The following NRG1 variants were observed in gnomAD, a reference collection of about 807,000 sequenced individuals.
NRG1 encodes neuregulin 1.
Under a neutral mutation model 63.8 loss-of-function variants are expected in NRG1, and 18 were observed. The observed-to-expected ratio is 0.28, with a 90% CI of 0.19 to 0.42. The LOEUF is 0.42. Among genes scored for constraint, NRG1 ranks in the 10% least tolerant of loss-of-function variants. The pLI is 1.00. For synonymous variants in NRG1, 302 were observed against 301.3 expected, an observed-to-expected ratio of 1.00 and a Z score of -0.02; for missense variants, 762 against 814.7, an observed-to-expected ratio of 0.94 and a Z score of 0.79.
chr8:32,188,422 A>G (rs1247654573), intron 1 of NRG1, among the ~76,000 whole-genome samples: 1 of 152,198 alleles, frequency 6.6e-6, no homozygotes, highest in Non-Finnish European at 1.5e-5. Context: ...GCAAATAATG[A>G]CAAGACATGC....
chr8:32,656,558 A>G (rs1033379540), intron 5 of NRG1, among the ~76,000 whole-genome samples: 1 of 152,208 alleles, frequency 6.6e-6, no homozygotes, highest in African/African-American at 2.4e-5. Flanking sequence ...TGCCATTTAC[A>G]AAAATGTATA....
At chr8:32,185,247 G>A (rs967145401) in intron 1 of NRG1, among the ~76,000 whole-genome samples, 4 of 152,108 alleles carry the variant, frequency 2.6e-5, no homozygotes, top group Non-Finnish European at 4.4e-5. Flanking sequence ...TAGCAGTAAA[G>A]GCAATTATTT....
At chr8:32,715,503 A>G (rs960016025) in intron 5 of NRG1, among the ~76,000 whole-genome samples, 6 of 152,178 alleles carry the variant, frequency 3.9e-5, no homozygotes, top group African/African-American at 1.2e-4. Flanking sequence ...AGACAATGCC[A>G]TCCCTGTGAT....
At chr8:31,921,104 A>G (rs981325309) in intron 1 of NRG1, among the ~76,000 whole-genome samples, 1 of 152,238 alleles carries the variant, frequency 6.6e-6, no homozygotes, top group Non-Finnish European at 1.5e-5. Context: ...ACAAAATTAC[A>G]ATATGCAATA....
chr8:31,928,531 A>G (rs997228090), intron 1 of NRG1, among the ~76,000 whole-genome samples: 3 of 152,026 alleles, frequency 2.0e-5, no homozygotes, highest in African/African-American at 4.8e-5. Context: ...TGCTTTATCA[A>G]AAAGACACCT....
intron 1 of NRG1, among the ~76,000 whole-genome samples, chr8:31,665,064 G>A (rs1806387355): frequency 6.6e-6 from 1 of 152,168 alleles, no homozygotes; most frequent in African/African-American, 2.4e-5. Flanking sequence ...GAGGCTGGAG[G>A]TGGACCTTCA....
intron 3 of NRG1, among the ~76,000 whole-genome samples, chr8:32,612,743 G>C (rs1846584740): frequency 6.6e-6 from 1 of 152,000 alleles, no homozygotes; most frequent in Admixed American, 6.6e-5. Context: ...TTTGAAAAGA[G>C]TCTTGATATC....
At chr8:31,919,400 TC>T (rs1414187625) in intron 1 of NRG1, among the ~76,000 whole-genome samples, 3 of 151,812 alleles carry the variant, frequency 2.0e-5, no homozygotes, top group African/African-American at 7.2e-5. Flanking sequence ...TTTTTTTTTT[TC>T]ATTTGTTCTT....
rs560861310 is a variant in NRG1, at chr8:31,954,115, C to T, written c.37+314684C>T. On this transcript the variant is annotated intron_variant, in intron 1 of 10. Coordinates refer to the NRG1 transcript ENST00000519301. Reference sequence around the variant, plus strand: ...GCCATAAAATTTGTTTGACAGACATCCTTCTTTTTCCCATCCCTCCTCTAT... The same window carrying T: ...GCCATAAAATTTGTTTGACAGACATTCTTCTTTTTCCCATCCCTCCTCTAT... 3.3e-5 allele frequency among the ~76,000 whole-genome samples: 5 copies of T among 152,280 alleles called. No homozygotes were observed. The South Asian group carries it at 1.0e-3, about 32-fold the overall frequency.
intron 1 of NRG1, among the ~76,000 whole-genome samples, chr8:31,758,257 T>A (rs1817181284): frequency 6.6e-6 from 1 of 152,128 alleles, no homozygotes; most frequent in Non-Finnish European, 1.5e-5. Context: ...CCCCGCTCTG[T>A]GTCCATGTGT....
At chr8:32,712,754 G>A (rs1446530064) in intron 5 of NRG1, among the ~76,000 whole-genome samples, 2 of 151,976 alleles carry the variant, frequency 1.3e-5, no homozygotes, top group South Asian at 2.1e-4. Context: ...TTGGTGCCAC[G>A]CCTGATATTT....
intron 1 of NRG1, among the ~76,000 whole-genome samples, chr8:31,765,207 T>C (rs1341252160): frequency 6.6e-6 from 1 of 152,190 alleles, no homozygotes; most frequent in Non-Finnish European, 1.5e-5. Context: ...TGAACTCACT[T>C]ATTAGTTCTA....
At chr8:32,722,857 A>G (rs530796678) in intron 5 of NRG1, among the ~76,000 whole-genome samples, 72 of 152,262 alleles carry the variant, frequency 4.7e-4, no homozygotes, top group South Asian at 2.1e-3. Context: ...CATTTTTGAC[A>G]AGTAGTTTTG....
chr8:32,750,562 C>T (rs1385120936), intron 7 of NRG1, among the ~76,000 whole-genome samples: 1 of 152,084 alleles, frequency 6.6e-6, no homozygotes, highest in Non-Finnish European at 1.5e-5. Flanking sequence ...GGACATCATG[C>T]AGCAGGGGCA....
chr8:32,223,262 G>A (rs1214848897), intron 1 of NRG1, among the ~76,000 whole-genome samples: 1 of 152,100 alleles, frequency 6.6e-6, no homozygotes, highest in Non-Finnish European at 1.5e-5. Context: ...TTCTCTAACT[G>A]GAAATTACTG....
At chr8:31,705,187 C>T (rs1357847989) in intron 1 of NRG1, among the ~76,000 whole-genome samples, 1 of 151,978 alleles carries the variant, frequency 6.6e-6, no homozygotes, top group East Asian at 2.0e-4. Context: ...CAGTCGTGCG[C>T]CACCACACGC....
In NRG1 at chr8:31,792,405, A is replaced by T. The variant is rs117138708; in HGVS notation, c.37+152974A>T. 3.8e-3 allele frequency among the ~76,000 whole-genome samples: 586 copies of T among 152,342 alleles called. 1 individual carries two copies. The highest frequency in any genetic ancestry group is 0.02 in the Middle Eastern group (6 of 294). ...AGGGTTGAATGACTTGTTTAATGGC[A>T]CATGGCCAAAGAAACAGAACAGAAA... On this transcript the variant is annotated intron_variant, in intron 1 of 10. Coordinates refer to the NRG1 transcript ENST00000519301.
chr8:32,748,005 G>T (rs1827800433), intron 7 of NRG1, among the ~76,000 whole-genome samples: 1 of 151,824 alleles, frequency 6.6e-6, no homozygotes, highest in African/African-American at 2.4e-5. Context: ...GAAATATTTT[G>T]TTAATGAAAA....
At chr8:32,320,117 A>G (rs904089519) in intron 1 of NRG1, among the ~76,000 whole-genome samples, 11 of 152,154 alleles carry the variant, frequency 7.2e-5, no homozygotes, top group African/African-American at 2.7e-4. Flanking sequence ...CTCATTTACA[A>G]AATAGAAACA....
Sources: gnomAD v4.1 joint callset for allele counts (sites outside exome capture counted in the v4.1 genomes callset) on GRCh38, gnomAD v4.1.1 for gene constraint, MANE v1.5 for transcripts, NCBI Gene and HGNC (gene_info 2026-07-23, HGNC 2026-07-21) for gene names.